KIFC3: variants seen among roughly 807,000 people sequenced by gnomAD.
KIFC3 encodes kinesin-like protein KIFC3.
In KIFC3, 60 loss-of-function variants were observed where a neutral mutation model predicts 101.8. The observed-to-expected ratio is 0.59, with a 90% CI of 0.48 to 0.73. The LOEUF is 0.73. KIFC3 is among the 30% of genes least tolerant of loss of function. KIFC3 has a pLI of 0.00. For missense variants in KIFC3, 966 were observed against 1,137.1 expected, an observed-to-expected ratio of 0.85 and a Z score of 2.16; for synonymous variants, 476 against 482.7, an observed-to-expected ratio of 0.99 and a Z score of 0.18.
chr16:57,770,090 G>A (rs1555606555), intron 7 of KIFC3, 135 bp from the exon 8 acceptor site: 5 of 1,130,166 alleles, frequency 4.4e-6, no homozygotes, highest in Non-Finnish European at 4.9e-6. Context: ...ACCCAGAGGG[G>A]CAGAATGGCC....
At chr16:57,764,395 G>A (rs1435996961) in intron 11 of KIFC3, 148 bp from the exon 12 acceptor site, 13 of 615,612 alleles carry the variant, frequency 2.1e-5, no homozygotes, top group African/African-American at 5.5e-5. Context: ...ACAATGATTC[G>A]TGACTCATGA....
At chr16:57,792,253 T>G (rs1319206475) in intron 3 of KIFC3, among the ~76,000 whole-genome samples, 1 of 152,226 alleles carries the variant, frequency 6.6e-6, no homozygotes, top group Non-Finnish European at 1.5e-5. Flanking sequence ...CAGATAGCCC[T>G]GGTGTCAGTC....
intron 3 of KIFC3, among the ~76,000 whole-genome samples, chr16:57,790,274 G>A (rs2053761639): frequency 6.8e-6 from 1 of 147,322 alleles, no homozygotes; most frequent in African/African-American, 2.5e-5. Context: ...TAGAGATGGG[G>A]TTTTGCCATG....
intron 11 of KIFC3, 31 bp from the exon 12 acceptor site, chr16:57,764,278 G>A (rs1555600699): frequency 7.8e-7 from 1 of 1,284,904 alleles, no homozygotes; most frequent in Non-Finnish European, 1.1e-6. Flanking sequence ...AGGCTGGTGG[G>A]GGGGCTTCCA....
Position 57,759,827 on chromosome 16 carries a change from C to T in KIFC3, c.2377G>A (p.Ala793Thr), listed in dbSNP as rs1196564026. ...SSQEHLEWEP[A>T]CQTPQPSARA... ...GCCGAGGGCTGTGGCGTCTGACAAG[C>T]CGGCTCCCACTGTGAGCAGGGAAGG... The change falls in exon 18 of 20, where the codon GCT becomes ACT. Residue 793 changes from alanine to threonine, a missense_variant. Around this residue, in one of 2 missense-constraint regions of KIFC3, gnomAD observed 689 missense variants for 884.6 expected, o/e 0.78. Transcript: ENST00000445690. 6.2e-7 allele frequency: 1 copy of T among 1,608,188 alleles called. No homozygotes were observed. Among genetic ancestry groups the T allele is most frequent in the Admixed American group, 1.7e-5 (1 of 59,004 alleles).
At chr16:57,797,658 G>C (rs1268364251) in intron 2 of KIFC3, 1 of 1,105,036 alleles carries the variant, frequency 9.0e-7, no homozygotes, top group African/African-American at 1.7e-5. Flanking sequence ...GCCCAGGCAG[G>C]ATCAAGTGTC....
At chr16:57,832,657 A>C (rs1475320211) in intron 1 of KIFC3, among the ~76,000 whole-genome samples, 1 of 151,500 alleles carries the variant, frequency 6.6e-6, no homozygotes, top group African/African-American at 2.4e-5. Context: ...CCCTTTCCCC[A>C]ACACACACAC....
At chr16:57,785,576 G>A (rs1401404665) in intron 3 of KIFC3, 19 of 1,287,782 alleles carry the variant, frequency 1.5e-5, no homozygotes, top group Non-Finnish European at 1.8e-5. Flanking sequence ...CTGGAGCTGG[G>A]ACATGGCCTC....
At chr16:57,759,201 A>AG in intron 18 of KIFC3, 48 bp from the exon 19 acceptor site, 1 of 1,549,234 alleles carries the variant, frequency 6.5e-7, no homozygotes, top group Non-Finnish European at 8.7e-7. Context: ...GCCTTGGGCC[A>AG]GTACCCCACA....
intron 1 of KIFC3, among the ~76,000 whole-genome samples, chr16:57,810,123 T>C (rs1328914768): frequency 6.6e-6 from 1 of 152,136 alleles, no homozygotes; most frequent in Non-Finnish European, 1.5e-5. Flanking sequence ...GCCACCACCA[T>C]GATTCCTGCT....
upstream of KIFC3, chr16:57,802,848 C>A: frequency 9.7e-7 from 1 of 1,028,334 alleles, no homozygotes. The surrounding 1 kb of genome is among the most constrained non-coding windows in gnomAD (Gnocchi z 5.0). Context: ...TTTGCACAGC[C>A]TCAAACCCGA....
intron 1 of KIFC3, among the ~76,000 whole-genome samples, chr16:57,834,858 G>A (rs139428140): frequency 6.6e-6 from 1 of 152,270 alleles, no homozygotes; most frequent in African/African-American, 2.4e-5. Context: ...TTACCTATTG[G>A]TGTCTCTACT....
In KIFC3 at chr16:57,758,376, T is replaced by TAAAC. The variant is rs1278583238; in HGVS notation, c.*554_*557dup. ...ACCCGCTGGCTGCCTCTGCCAGCCA[T>TAAAC]AAACACAGCACGGCCCCGTGGCGGG... On this transcript the variant is annotated 3_prime_UTR_variant, in exon 20 of 20. Transcript: ENST00000445690. 9.4e-6 allele frequency: 3 copies of TAAAC among 318,160 alleles called. No homozygotes were observed. The highest frequency in any genetic ancestry group is 1.8e-5 in the Non-Finnish European group (3 of 163,440). The allele number at this position is 318,160 out of a possible 1,614,324, so 19.7% of individuals were successfully genotyped here.
chr16:57,825,086 C>T (rs1440101711), intron 1 of KIFC3, among the ~76,000 whole-genome samples: 1 of 152,230 alleles, frequency 6.6e-6, no homozygotes, highest in Non-Finnish European at 1.5e-5. Flanking sequence ...TACAGCACAA[C>T]TCACCCCAGC....
intron 1 of KIFC3, among the ~76,000 whole-genome samples, chr16:57,834,590 T>C (rs2055649372): frequency 1.3e-5 from 2 of 152,170 alleles, no homozygotes; most frequent in African/African-American, 4.8e-5. Context: ...TGGCTCACTG[T>C]AGCCTCAACC....
intron 1 of KIFC3, among the ~76,000 whole-genome samples, chr16:57,801,580 C>T (rs1555625532): frequency 6.6e-6 from 1 of 152,194 alleles, no homozygotes; most frequent in African/African-American, 2.4e-5. Flanking sequence ...GGGTGCTCAC[C>T]CTGTTCAGGC....
Position 57,771,681 on chromosome 16 carries a change from GC to G in KIFC3, c.386del (p.Gly129AlafsTer11). 1 of 1,611,304 alleles carries G rather than the reference GC, an allele frequency of 6.2e-7. No individual in the cohort carries two copies. Among genetic ancestry groups the G allele is most frequent in the Non-Finnish European group, 8.5e-7 (1 of 1,179,144 alleles). On this transcript the variant is annotated frameshift_variant, in exon 5 of 20. Coordinates refer to ENST00000445690, the MANE Select transcript of KIFC3 (RefSeq NM_001130100.2). LOFTEE classifies it high-confidence loss of function. ...GGTCCCGGTGCTTCTCCAAGTCGGT[GC>G]CCCCCTGCAGAGAGCCAGGGCCGAG... Reference protein sequence around the residue: ...EVSRLRSELGGTDLEKHRDLL... With the variant: ...EVSRLRSELGXTDLEKHRDLL...
At chr16:57,791,408 A>G (rs2053860518) in intron 3 of KIFC3, among the ~76,000 whole-genome samples, 1 of 152,218 alleles carries the variant, frequency 6.6e-6, no homozygotes, top group African/African-American at 2.4e-5. Context: ...CACAGGAAGG[A>G]CAGACGGGGC....
intron 1 of KIFC3, among the ~76,000 whole-genome samples, chr16:57,861,276 C>T (rs1056926268): frequency 6.6e-6 from 1 of 152,148 alleles, no homozygotes; most frequent in African/African-American, 2.4e-5. Context: ...GCATCATTAA[C>T]TCATCCCCTC....
Sources: allele counts gnomAD v4.1 joint callset (sites outside exome capture counted in the v4.1 genomes callset), GRCh38; gene constraint gnomAD v4.1.1; regional missense constraint gnomAD v4.1.1; non-coding constraint Gnocchi (gnomAD v3.1); transcripts MANE v1.5; gene names NCBI Gene and HGNC (gene_info 2026-07-23, HGNC 2026-07-21).